The following RAP1GAP2 variants were observed in gnomAD, a reference collection of about 807,000 sequenced individuals.
The protein encoded by RAP1GAP2 is RAP1 GTPase activating protein 2.
A neutral mutation model predicts 95.0 loss-of-function variants in RAP1GAP2; 27 were observed. The observed-to-expected ratio is 0.28, with a 90% CI of 0.21 to 0.39. The LOEUF is 0.39. Ranked by LOEUF, RAP1GAP2 falls within the 10% of genes least tolerant of loss-of-function variation. The pLI is 1.00. For synonymous variants in RAP1GAP2, 373 were observed against 380.9 expected, an observed-to-expected ratio of 0.98 and a Z score of 0.24; for missense variants, 771 against 970.0, an observed-to-expected ratio of 0.79 and a Z score of 2.72.
intron 1 of RAP1GAP2, among the ~76,000 whole-genome samples, chr17:2,780,117 C>G (rs1261622708): frequency 6.6e-6 from 1 of 152,190 alleles, no homozygotes; most frequent in Admixed American, 6.5e-5. Context: ...GTGGCGCGAT[C>G]TCGGCTCACC....
In RAP1GAP2 at chr17:2,963,557, G is replaced by T; in HGVS notation, c.279+95G>T. 1 of 1,521,540 alleles carries T rather than the reference G, an allele frequency of 6.6e-7. No individual in the cohort carries two copies. Among genetic ancestry groups the T allele is most frequent in the South Asian group, 1.1e-5 (1 of 88,784 alleles). The allele number at this position is 1,521,540 out of a possible 1,614,324, so 94.3% of individuals were successfully genotyped here. A position where few individuals can be genotyped will look rare whatever the true frequency, so the allele number is the denominator to read the frequency against. ...GCGATGGCCTGTGCCCAGCCCCCCA[G>T]GGGAGAGAACCTTGGGCCTGGGACC... On this transcript the variant is annotated intron_variant, in intron 6 of 24. Coordinates refer to ENST00000254695, the MANE Select transcript of RAP1GAP2 (RefSeq NM_015085.5). The surrounding 1 kb of genome is among the most constrained non-coding windows in gnomAD (Gnocchi z 4.8).
intron 2 of RAP1GAP2, among the ~76,000 whole-genome samples, chr17:2,845,586 GGT>G (rs2071547920): frequency 6.6e-6 from 1 of 152,118 alleles, no homozygotes; most frequent in Admixed American, 6.6e-5. Context: ...TTATCAGCTG[GGT>G]GTGGTGGCTC....
chr17:3,012,109 C>G (rs1012684648), intron 17 of RAP1GAP2, among the ~76,000 whole-genome samples: 1 of 152,256 alleles, frequency 6.6e-6, no homozygotes, highest in Admixed American at 6.5e-5. Flanking sequence ...CACCTCACCC[C>G]GCTTGGAGCA....
rs2072657345 is a variant in RAP1GAP2, at chr17:2,867,376, G to A, written c.81-37908G>A. ...GCTCCAGTGGGGTCTTTGGACACTG[G>A]TTCTTTCACCCCGTCTCTAGGCTGT... On this transcript the variant is annotated intron_variant, in intron 2 of 24. Transcript: ENST00000254695. This position sits in a 1 kb window ranked among gnomAD's most constrained non-coding sequence, Gnocchi z 4.5. 1.3e-5 allele frequency among the ~76,000 whole-genome samples: 2 copies of A among 152,196 alleles called. No homozygotes were observed. The highest frequency in any genetic ancestry group is 2.1e-4 in the South Asian group (1 of 4,832).
chr17:2,802,885 GC>G (rs778319308), intron 2 of RAP1GAP2, among the ~76,000 whole-genome samples: 3 of 152,150 alleles, frequency 2.0e-5, no homozygotes, highest in Non-Finnish European at 2.9e-5. Context: ...AGGTGTCAGG[GC>G]AAGTCACCCG....
At chr17:2,831,628 T>C (rs1330859441) in intron 2 of RAP1GAP2, among the ~76,000 whole-genome samples, 2 of 151,862 alleles carry the variant, frequency 1.3e-5, no homozygotes, top group Admixed American at 6.6e-5. Flanking sequence ...TGGTGGCTCA[T>C]GCCTGTAATC....
intron 2 of RAP1GAP2, among the ~76,000 whole-genome samples, chr17:2,847,103 G>C (rs1391967332): frequency 6.6e-6 from 1 of 152,176 alleles, no homozygotes; most frequent in African/African-American, 2.4e-5. Context: ...CCACCTCCCT[G>C]GTTCACGCGA....
chr17:2,788,620 A>G (rs573442093), intron 1 of RAP1GAP2, among the ~76,000 whole-genome samples: 2 of 152,212 alleles, frequency 1.3e-5, no homozygotes, highest in East Asian at 3.9e-4. Context: ...AGGTTAATGC[A>G]ATTTTGGAGG....
intron 3 of RAP1GAP2, among the ~76,000 whole-genome samples, chr17:2,912,717 G>A (rs993405782): frequency 5.3e-5 from 8 of 152,128 alleles, no homozygotes; most frequent in African/African-American, 1.7e-4. Context: ...TTCTGTTGCC[G>A]CTCCGGACAT....
chr17:3,009,201 C>G (rs1436143765), intron 17 of RAP1GAP2, among the ~76,000 whole-genome samples: 2 of 152,118 alleles, frequency 1.3e-5, no homozygotes, highest in Non-Finnish European at 2.9e-5. Context: ...CTGTCAGAGC[C>G]ATTGTGCGAG....
chr17:2,973,020 G>T (rs142419378), intron 8 of RAP1GAP2, among the ~76,000 whole-genome samples: 419 of 152,312 alleles, frequency 2.8e-3, no homozygotes, highest in Non-Finnish European at 4.8e-3. Context: ...TAGTGAGGCT[G>T]ATGGGAGACG....
chr17:2,794,045 G>A (rs1055196421), upstream of RAP1GAP2, among the ~76,000 whole-genome samples: 1 of 146,532 alleles, frequency 6.8e-6, no homozygotes, highest in Non-Finnish European at 1.5e-5. Flanking sequence ...GTTGCAGTGA[G>A]CCGTGCCACT....
intron 8 of RAP1GAP2, among the ~76,000 whole-genome samples, chr17:2,973,556 G>T (rs1597770294): frequency 6.6e-6 from 1 of 152,118 alleles, no homozygotes; most frequent in Non-Finnish European, 1.5e-5. Context: ...TGGAACTCAA[G>T]AAATAATTGT....
chr17:2,832,759 C>G (rs1179717767), intron 2 of RAP1GAP2, among the ~76,000 whole-genome samples: 1 of 151,604 alleles, frequency 6.6e-6, no homozygotes, highest in Non-Finnish European at 1.5e-5. Flanking sequence ...GGCGATGGCT[C>G]GAGGTCAGGA....
chr17:2,961,586 A>G (rs981428326), intron 4 of RAP1GAP2, among the ~76,000 whole-genome samples: 2 of 152,222 alleles, frequency 1.3e-5, no homozygotes, highest in Admixed American at 6.5e-5. Flanking sequence ...TTCTTCAGAT[A>G]CCTGTAGATA....
intron 2 of RAP1GAP2, among the ~76,000 whole-genome samples, chr17:2,801,485 AAAG>A (rs1281651966): frequency 2.7e-3 from 415 of 151,244 alleles, no homozygotes; most frequent in Non-Finnish European, 4.0e-3. Context: ...AAAAAAAAAA[AAAG>A]AAAGATAATT....
intron 2 of RAP1GAP2, among the ~76,000 whole-genome samples, chr17:2,843,781 C>T (rs1284776575): frequency 6.6e-6 from 1 of 152,122 alleles, no homozygotes; most frequent in Non-Finnish European, 1.5e-5. Flanking sequence ...GTGAAGGTCA[C>T]TACTGGCCTT....
intron 8 of RAP1GAP2, among the ~76,000 whole-genome samples, chr17:2,972,206 A>G (rs1056710085): frequency 6.6e-6 from 1 of 152,250 alleles, no homozygotes. Context: ...TATCTCTTCA[A>G]ATGTTTCTAG....
rs565033905 is a variant in RAP1GAP2 at position 2,831,931 on chromosome 17, C to T, written c.80+31381C>T. ...ACAACAACACAAAAAACAGGCTGGG[C>T]GTGGTGGCTCACGCTTTTAATCCCA... is the stretch of plus-strand genomic sequence containing the variant. On this transcript the variant is annotated intron_variant, in intron 2 of 24. Transcript: ENST00000254695. 2.4e-4 allele frequency among the ~76,000 whole-genome samples: 36 copies of T among 151,496 alleles called. No individual in the cohort carries two copies. In the East Asian group the frequency reaches 6.3e-3, roughly 26 times the overall value.
Sources: allele counts gnomAD v4.1 joint callset (sites outside exome capture counted in the v4.1 genomes callset), GRCh38; gene constraint gnomAD v4.1.1; non-coding constraint Gnocchi (gnomAD v3.1); transcripts MANE v1.5; gene names NCBI Gene and HGNC (gene_info 2026-07-23, HGNC 2026-07-21).